Variants in VGLL1 observed in about 807,000 individuals in gnomAD.
VGLL1 encodes transcription cofactor vestigial-like protein 1.
A neutral mutation model predicts 12.0 loss-of-function variants in VGLL1; 4 were observed. The ratio of observed to expected loss-of-function variants is 0.33; its 90% CI spans 0.16 to 0.76. The LOEUF is 0.76. Ranked by LOEUF, VGLL1 falls within the 30% of genes least tolerant of loss-of-function variation. The probability of loss-of-function intolerance (pLI) is 0.60; values close to 1 mark genes in which losing one functional copy is unlikely to be tolerated. For missense variants in VGLL1, 204 were observed against 208.7 expected (o/e 0.98, Z 0.14); for synonymous variants, 87 against 81.2 (o/e 1.07, Z -0.39).
intron 2 of VGLL1, among the ~76,000 whole-genome samples, chrX:136,536,456 G>A (rs754050118): frequency 1.5e-4 from 17 of 111,462 alleles, no homozygotes; most frequent in Admixed American, 1.3e-3. Flanking sequence ...TCCAGAAACT[G>A]GCTTCCTTCT....
intron 1 of VGLL1, among the ~76,000 whole-genome samples, chrX:136,534,342 A>G (rs924804606): frequency 1.2e-4 from 14 of 112,305 alleles, no homozygotes; most frequent in African/African-American, 4.2e-4. Flanking sequence ...AGGCAACCAC[A>G]GTTCTGAATT....
At chrX:136,547,846 G>A (rs778951724) in intron 2 of VGLL1, among the ~76,000 whole-genome samples, 2 of 111,743 alleles carry the variant, frequency 1.8e-5, no homozygotes, top group African/African-American at 3.3e-5. Flanking sequence ...TCATTGTAAT[G>A]CTGTTAGCAT....
In VGLL1 at chrX:136,544,125, T is replaced by C. The variant is rs183906016; in HGVS notation, c.215-4464T>C. On this transcript the variant is annotated intron_variant, in intron 2 of 4. Coordinates refer to ENST00000370634, the MANE Select transcript of VGLL1 (RefSeq NM_016267.4). ...TTTTTTAAAAAATTCATCAATGTCA[T>C]ATCCACTTCTCCATGCCATTAAATG... Among the ~76,000 whole-genome samples, 7 of 111,977 alleles carry C rather than the reference T, an allele frequency of 6.3e-5. No individual in the cohort carries two copies. The Admixed American group carries it at 6.6e-4, about 11-fold the overall frequency.
chrX:136,541,091 C>A (rs1382548427), intron 2 of VGLL1, among the ~76,000 whole-genome samples: 2 of 112,318 alleles, frequency 1.8e-5, no homozygotes, highest in African/African-American at 6.5e-5. Context: ...GTTCACAACA[C>A]CAGGTTCACA....
chrX:136,534,807 G>A (rs1404028195), intron 1 of VGLL1, among the ~76,000 whole-genome samples: 2 of 111,872 alleles, frequency 1.8e-5, no homozygotes, highest in Admixed American at 9.5e-5. Flanking sequence ...ACCTGGTTAC[G>A]CTTAGCATGA....
At chrX:136,552,800 A>G (rs969751094) in intron 4 of VGLL1, among the ~76,000 whole-genome samples, 2 of 111,972 alleles carry the variant, frequency 1.8e-5, no homozygotes, top group Non-Finnish European at 3.8e-5. Flanking sequence ...AAATTATCAG[A>G]AACAATTCCA....
At chrX:136,555,387 A>G (rs1942093910) in intron 4 of VGLL1, among the ~76,000 whole-genome samples, 2 of 112,017 alleles carry the variant, frequency 1.8e-5, no homozygotes, top group South Asian at 7.5e-4. Flanking sequence ...TCTTAGAGAA[A>G]TTTAACATTG....
rs769583709 is a variant in VGLL1 at position 136,548,828 on chromosome X, G to T, written c.454G>T (p.Ala152Ser). 1 of 1,211,854 alleles carries T rather than the reference G, an allele frequency of 8.3e-7. No homozygotes were observed. The highest frequency in any genetic ancestry group is 1.1e-6 in the Non-Finnish European group (1 of 895,583). Residue 152 changes from alanine to serine, a missense_variant, in exon 3 of 5, where the codon GCT becomes TCT. By Grantham distance (99) the Ala-to-Ser change is moderately conservative (BLOSUM62 1). Transcript: ENST00000370634. ...LEPGYSHPFP[A>S]RHLVPEPQPD... ...GCCTGGCTACTCTCATCCCTTCCCC[G>T]CTCGGCACCTGGTTCCAGAGCCCCA...
chrX:136,548,536 C>T, intron 2 of VGLL1, 53 bp from the exon 3 acceptor site: 1 of 1,124,313 alleles, frequency 8.9e-7, no homozygotes, highest in Non-Finnish European at 1.2e-6. Flanking sequence ...AAAACTACAT[C>T]CATTTTGAAA....
intron 2 of VGLL1, among the ~76,000 whole-genome samples, chrX:136,542,922 T>A (rs1204942553): frequency 9.0e-6 from 1 of 111,509 alleles, no homozygotes; most frequent in Non-Finnish European, 1.9e-5. Context: ...TTTGCTAGGG[T>A]CTGTCACGTG....
chrX:136,539,123 T>A (rs2075848810), intron 2 of VGLL1, among the ~76,000 whole-genome samples: 1 of 111,888 alleles, frequency 8.9e-6, no homozygotes, highest in Admixed American at 9.4e-5. Flanking sequence ...TGACTTCGGC[T>A]ATTTGACTCT....
At position 136,548,947 on chromosome X, in the gene VGLL1, C is replaced by A. The variant is rs898640840; in HGVS notation, c.573C>A (p.Asn191Lys). The A allele has an allele frequency of 1.7e-6, 2 of 1,210,543 alleles. No individual in the cohort carries two copies. Among genetic ancestry groups the A allele is most frequent in the Non-Finnish European group, 2.2e-6 (2 of 895,332 alleles). ...PQESAARENG[N>K]PGQIAGSTGL... ...AATCTGCCGCCAGGGAGAATGGCAA[C>A]CCTGGCCAGATAGCTGGAAGCACAG... Residue 191 changes from asparagine (N) to lysine (K), a missense_variant, in exon 3 of 5, where the codon AAC becomes AAA. Coordinates refer to ENST00000370634, the MANE Select transcript of VGLL1 (RefSeq NM_016267.4).
chrX:136,548,732 G>T lies in VGLL1; in HGVS notation c.358G>T (p.Ala120Ser). The T allele has an allele frequency of 1.7e-6, 2 of 1,211,965 alleles. No individual in the cohort carries two copies. Residue 120 changes from alanine to serine, a missense_variant, in exon 3 of 5, where the codon GCT becomes TCT. Ala to Ser is a moderately conservative substitution (Grantham distance 99). Transcript: ENST00000370634. Reference sequence around the variant, plus strand: ...TGTGAATCAGTTCTCACCGTCCCTGGCTAGGAGGGCCTCTGTTCGGCCTGG... The same window carrying T: ...TGTGAATCAGTTCTCACCGTCCCTGTCTAGGAGGGCCTCTGTTCGGCCTGG... ...MAVNQFSPSL[A>S]RRASVRPGEL...
intron 2 of VGLL1, among the ~76,000 whole-genome samples, chrX:136,537,751 A>G (rs2075844185): frequency 9.4e-6 from 1 of 106,386 alleles, no homozygotes; most frequent in Admixed American, 1.0e-4. Flanking sequence ...TTTTTTGTAG[A>G]GACAGGATCT....
intron 2 of VGLL1, among the ~76,000 whole-genome samples, chrX:136,540,863 C>A (rs1351846749): frequency 8.9e-6 from 1 of 111,888 alleles, no homozygotes; most frequent in Non-Finnish European, 1.9e-5. Flanking sequence ...TGGGGCCAAG[C>A]CAGCTCCATC....
Position 136,532,641 on chromosome X carries a change from CTTTCTTTCTTTCT to C in VGLL1, c.-26+348_-26+360del, listed in dbSNP as rs1409847877. On this transcript the variant is annotated intron_variant, in intron 1 of 4. Coordinates refer to ENST00000370634, the MANE Select transcript of VGLL1 (RefSeq NM_016267.4). ...TCTTTCTTTCTTTCTTTCTTTCTTT[CTTTCTTTCTTTCT>C]TTCTTTCTTTTTCTTTCTTTCTTCT... Among the ~76,000 whole-genome samples, 11 of 88,434 alleles carry C rather than the reference CTTTCTTTCTTTCT, an allele frequency of 1.2e-4. 1 individual carries two copies. The South Asian group carries it at 1.6e-3, about 13-fold the overall frequency. The allele number at this position is 88,434 out of a possible 115,157, so 76.8% of individuals were successfully genotyped here. A position where few individuals can be genotyped will look rare whatever the true frequency, so the allele number is the denominator to read the frequency against.
chrX:136,543,209 G>T (rs1268688539), intron 2 of VGLL1, among the ~76,000 whole-genome samples: 2 of 112,135 alleles, frequency 1.8e-5, no homozygotes, highest in Non-Finnish European at 3.8e-5. Flanking sequence ...GGAGGCAGCT[G>T]TGAAAGAGGG....
At chrX:136,546,088 C>T (rs375610472) in intron 2 of VGLL1, among the ~76,000 whole-genome samples, 1 of 111,763 alleles carries the variant, frequency 8.9e-6, no homozygotes, top group East Asian at 2.8e-4. Context: ...TGTTTCTTAC[C>T]TGCTCTCCAC....
chrX:136,534,194 G>C (rs565433997), intron 1 of VGLL1, among the ~76,000 whole-genome samples: 2 of 112,302 alleles, frequency 1.8e-5, no homozygotes, highest in Admixed American at 9.4e-5. Flanking sequence ...TAGGTCTTAC[G>C]TGTAAAATTT....
Sources: gnomAD v4.1 joint callset for allele counts (sites outside exome capture counted in the v4.1 genomes callset) on GRCh38, gnomAD v4.1.1 for gene constraint, MANE v1.5 for transcripts, NCBI Gene and HGNC (gene_info 2026-07-23, HGNC 2026-07-21) for gene names.